PIK3C2G: variants seen among roughly 807,000 people sequenced by gnomAD.
PIK3C2G encodes phosphatidylinositol 3-kinase C2 domain-containing subunit gamma.
Under a neutral mutation model 181.1 loss-of-function variants are expected in PIK3C2G, and 168 were observed. That is an observed-to-expected ratio of 0.93 (90% CI 0.82 to 1.05). PIK3C2G has a LOEUF of 1.05. PIK3C2G is among the 50% of genes least tolerant of loss of function. PIK3C2G has a pLI of 0.00. For missense variants in PIK3C2G, 1,869 were observed against 1,732.8 expected (o/e 1.08, Z -1.40); for synonymous variants, 573 against 592.2 (o/e 0.97, Z 0.47).
At chr12:18,622,904 T>C (rs1316452323) in intron 31 of PIK3C2G, among the ~76,000 whole-genome samples, 2 of 151,746 alleles carry the variant, frequency 1.3e-5, no homozygotes, top group Admixed American at 1.3e-4. Context: ...TGAATTGTTT[T>C]CTTTCTATAG....
intron 5 of PIK3C2G, among the ~76,000 whole-genome samples, chr12:18,308,530 G>C (rs1487364854): frequency 6.6e-6 from 1 of 150,894 alleles, no homozygotes; most frequent in Non-Finnish European, 1.5e-5. Context: ...ATTAGTAGAG[G>C]CTCCTTTATC....
the PIK3C2G span, chr12:18,705,111 G>A: frequency 1.6e-5 from 25 of 1,588,578 alleles, no homozygotes; most frequent in Non-Finnish European, 2.1e-5. Flanking sequence ...ATATAACAGT[G>A]ACATGTTTTC....
chr12:18,664,951 G>C, the PIK3C2G span, among the ~76,000 whole-genome samples: 1 of 138,202 alleles, frequency 7.2e-6, no homozygotes, highest in Non-Finnish European at 1.5e-5. Flanking sequence ...GGTGGGAATT[G>C]AACAATGAGG....
intron 13 of PIK3C2G, among the ~76,000 whole-genome samples, chr12:18,377,490 T>C (rs1174461784): frequency 6.6e-6 from 1 of 152,146 alleles, no homozygotes; most frequent in African/African-American, 2.4e-5. Flanking sequence ...TACAAACCCA[T>C]AGCCCAGCCT....
chr12:18,642,786 CTGTGTG>C (rs56095750), intron 32 of PIK3C2G, among the ~76,000 whole-genome samples: 146 of 143,168 alleles, frequency 1.0e-3, no homozygotes, highest in East Asian at 2.0e-3. Flanking sequence ...ATAAGTGACA[CTGTGTG>C]TGTGTGTGTG....
intron 2 of PIK3C2G, among the ~76,000 whole-genome samples, chr12:18,284,666 T>C (rs1460421983): frequency 6.6e-6 from 1 of 151,960 alleles, no homozygotes; most frequent in Non-Finnish European, 1.5e-5. Flanking sequence ...AGCAGGAAAT[T>C]AGAAACATCA....
At chr12:18,291,466 A>G (rs781401792) in intron 4 of PIK3C2G, among the ~76,000 whole-genome samples, 37 of 152,148 alleles carry the variant, frequency 2.4e-4, no homozygotes, top group Non-Finnish European at 4.7e-4. Flanking sequence ...GGTATAACAT[A>G]CCTCCATCAG....
chr12:18,558,512 A>G (rs1945129286), intron 26 of PIK3C2G, among the ~76,000 whole-genome samples: 1 of 152,200 alleles, frequency 6.6e-6, no homozygotes, highest in Non-Finnish European at 1.5e-5. Context: ...ATCTCACACA[A>G]AGTCAAAGTT....
At chr12:18,481,098 A>G (rs75506015) in intron 18 of PIK3C2G, among the ~76,000 whole-genome samples, 2 of 98,782 alleles carry the variant, frequency 2.0e-5, no homozygotes, top group African/African-American at 7.8e-5. Flanking sequence ...ACATCCAGCT[A>G]ATTTTTTTTG....
the PIK3C2G span, among the ~76,000 whole-genome samples, chr12:18,719,945 C>G: frequency 1.2e-3 from 185 of 152,174 alleles, no homozygotes; most frequent in Admixed American, 2.5e-3. Context: ...ATCTGGATGA[C>G]TGGCACACAG....
At chr12:18,333,167 G>T (rs1938158061) in intron 8 of PIK3C2G, among the ~76,000 whole-genome samples, 1 of 152,090 alleles carries the variant, frequency 6.6e-6, no homozygotes, top group Admixed American at 6.5e-5. Context: ...TGTGTAGTTT[G>T]GTTTACTTGG....
the PIK3C2G span, among the ~76,000 whole-genome samples, chr12:18,667,505 A>G: frequency 0.018 from 2,669 of 152,296 alleles, 43 homozygotes; most frequent in Middle Eastern, 0.054. Flanking sequence ...TAACTGCTCT[A>G]TAAGCTAGAG....
intron 16 of PIK3C2G, among the ~76,000 whole-genome samples, chr12:18,406,989 G>A (rs142262329): frequency 6.6e-6 from 1 of 152,000 alleles, no homozygotes; most frequent in Non-Finnish European, 1.5e-5. Context: ...AGACTTATCT[G>A]GTTCTACCAG....
chr12:18,715,987 G>A, the PIK3C2G span, among the ~76,000 whole-genome samples: 21 of 152,110 alleles, frequency 1.4e-4, no homozygotes, highest in Non-Finnish European at 2.4e-4. Flanking sequence ...GGGCAAATAA[G>A]GCAGAAGTTC....
chr12:18,372,062 T>G (rs2137883278), intron 13 of PIK3C2G, among the ~76,000 whole-genome samples: 1 of 152,284 alleles, frequency 6.6e-6, no homozygotes, highest in Admixed American at 6.5e-5. Flanking sequence ...AAAGATATGG[T>G]GATACAAAAA....
intron 8 of PIK3C2G, among the ~76,000 whole-genome samples, chr12:18,325,635 G>A (rs1951307100): frequency 6.6e-6 from 1 of 150,952 alleles, no homozygotes; most frequent in African/African-American, 2.4e-5. Flanking sequence ...TTGAACCCGG[G>A]AGGTGGAGGT....
chr12:18,461,455 T>C (rs1404480928), intron 18 of PIK3C2G, among the ~76,000 whole-genome samples: 2 of 152,178 alleles, frequency 1.3e-5, no homozygotes, highest in African/African-American at 4.8e-5. Flanking sequence ...ACTATTTACA[T>C]AGGGTGGAAT....
At chr12:18,439,699 C>A (rs1946636217) in intron 18 of PIK3C2G, among the ~76,000 whole-genome samples, 1 of 152,080 alleles carries the variant, frequency 6.6e-6, no homozygotes, top group African/African-American at 2.4e-5. Flanking sequence ...CTCAGTATGA[C>A]ATCATTTCCT....
At chr12:18,704,728 TA>T in the PIK3C2G span, among the ~76,000 whole-genome samples, 1 of 152,102 alleles carries the variant, frequency 6.6e-6, no homozygotes, top group Non-Finnish European at 1.5e-5. Flanking sequence ...ATGCTCAAAT[TA>T]AGACGGAAAG....
Sources: gnomAD v4.1 joint callset for allele counts (sites outside exome capture counted in the v4.1 genomes callset) on GRCh38, gnomAD v4.1.1 for gene constraint, MANE v1.5 for transcripts, NCBI Gene and HGNC (gene_info 2026-07-23, HGNC 2026-07-21) for gene names.